The following CDC6 variants were observed in gnomAD, a reference collection of about 807,000 sequenced individuals.
CDC6 encodes the protein cell division cycle 6.
CDC6 carries 46 observed loss-of-function variants against 60.2 expected under a neutral mutation model. The observed-to-expected ratio is 0.76, with a 90% confidence interval of 0.60 to 0.98. The LOEUF (loss-of-function observed/expected upper bound fraction) is 0.98. CDC6 is among the 50% of genes least tolerant of loss of function. The probability of loss-of-function intolerance (pLI) is 0.00; values close to 1 mark genes in which losing one functional copy is unlikely to be tolerated. For synonymous variants in CDC6, 210 were observed against 233.2 expected (o/e 0.90, Z 0.90); for missense variants, 596 against 652.9 (o/e 0.91, Z 0.95).
In CDC6 at chr17:40,300,844, G is replaced by A. The variant is rs758705404; in HGVS notation, c.1266G>A (p.Glu422=). 1 of 1,613,710 alleles carries A rather than the reference G, an allele frequency of 6.2e-7. No homozygotes were observed. Among genetic ancestry groups the A allele is most frequent in the South Asian group, 1.1e-5 (1 of 91,076 alleles). The change falls in exon 10 of 12, where the codon GAG becomes GAA. Residue 422 remains glutamate, a synonymous_variant. Coordinates refer to ENST00000209728, the MANE Select transcript of CDC6 (RefSeq NM_001254.4). ...KPLSECKSPS[E]PLIPKRVGLI... is the part of the protein sequence containing the mutation. The stretch of plus-strand genomic sequence containing the variant: ...ACTTTATAGGTAAATCACCTTCTGA[G>A]CCTCTGATTCCCAAGAGGGTTGGTC...
intron 8 of CDC6, 81 bp from the exon 9 acceptor site, chr17:40,296,622 T>C: frequency 2.5e-6 from 2 of 803,356 alleles, no homozygotes; most frequent in South Asian, 1.4e-5. Flanking sequence ...CAATGGTCAT[T>C]AATGTGCCGC....
At chr17:40,289,308 G>A in intron 1 of CDC6, 100 bp from the exon 2 acceptor site, 1 of 949,748 alleles carries the variant, frequency 1.1e-6, no homozygotes, top group Non-Finnish European at 1.7e-6. Flanking sequence ...ACATAATTAG[G>A]AAATAAGTGT....
Position 40,301,522 on chromosome 17 carries a change from C to T in CDC6, c.1507C>T (p.Gln503Ter). 1 of 1,613,592 alleles carries T rather than the reference C, an allele frequency of 6.2e-7. No homozygotes were observed. The highest frequency in any genetic ancestry group is 8.5e-7 in the Non-Finnish European group (1 of 1,179,518). ...CRKQQVAAVDQSECLSLSGLL... is the reference protein window; with the variant it reads ...CRKQQVAAVD ...CAAACAGCAGGTGGCGGCTGTGGACCAGTCAGAGTGTTTGTCACTTTCAGG... is the reference window on the plus strand; with the variant it reads ...CAAACAGCAGGTGGCGGCTGTGGACTAGTCAGAGTGTTTGTCACTTTCAGG... The change falls in exon 11 of 12, where the codon CAG (glutamine) becomes TAG (stop). Residue 503 changes from glutamine to a stop codon, truncating the protein, a stop_gained. Coordinates refer to ENST00000209728, the MANE Select transcript of CDC6 (RefSeq NM_001254.4). LOFTEE classifies it high-confidence loss of function.
chr17:40,296,750 T>C lies in CDC6; in HGVS notation c.1232T>C (p.Leu411Pro). ...TCAGATGTCAAAAGCCAGACTATTC[T>C]CAAACCACTGTCTGAATGTAAGTAG... is the stretch of plus-strand genomic sequence containing the variant. Reference protein sequence around the residue: ...VESDVKSQTILKPLSECKSPS... With the variant: ...VESDVKSQTIPKPLSECKSPS... The change falls in exon 9 of 12, where the codon CTC becomes CCC. Residue 411 changes from leucine to proline, a missense_variant. Transcript: ENST00000209728. The C allele has an allele frequency of 6.2e-7, 1 of 1,602,168 alleles. No homozygotes were observed. The highest frequency in any genetic ancestry group is 8.6e-7 in the Non-Finnish European group (1 of 1,169,102).
chr17:40,289,772 G>A (rs1342121910), intron 2 of CDC6, among the ~76,000 whole-genome samples, 174 bp downstream of exon 2: 1 of 144,440 alleles, frequency 6.9e-6, no homozygotes, highest in Non-Finnish European at 1.5e-5. Flanking sequence ...GCAATAGTGC[G>A]ATCTTGGCTC....
intron 1 of CDC6, chr17:40,289,103 A>G (rs2032710431): frequency 3.0e-6 from 1 of 332,420 alleles, no homozygotes; most frequent in Non-Finnish European, 5.8e-6. Flanking sequence ...ACTTTGGGCC[A>G]CTGTTTATCT....
chr17:40,293,634 A>G lies in CDC6; in HGVS notation c.836+3A>G, dbSNP rs2032807985. Reference sequence around the variant, plus strand: ...ACTGCAGAGAAGGGCCCCATGATGTAAGTATTGTTCTGCTTCATGTTGCTC... The same window carrying G: ...ACTGCAGAGAAGGGCCCCATGATGTGAGTATTGTTCTGCTTCATGTTGCTC... On this transcript the variant is annotated splice_donor_region_variant and intron_variant, in intron 5 of 11. Coordinates refer to ENST00000209728, the MANE Select transcript of CDC6 (RefSeq NM_001254.4). 1 of 1,607,582 alleles carries G rather than the reference A, an allele frequency of 6.2e-7. No homozygotes were observed. Among genetic ancestry groups the G allele is most frequent in the African/African-American group, 1.3e-5 (1 of 74,820 alleles).
chr17:40,301,798 G>A (rs2032944248), intron 11 of CDC6, 114 bp from the exon 12 acceptor site: 1 of 941,386 alleles, frequency 1.1e-6, no homozygotes. Context: ...AAAAAAAAGT[G>A]TTTAACTTGC....
At chr17:40,290,110 C>T (rs1200533905) in intron 2 of CDC6, among the ~76,000 whole-genome samples, 1 of 152,120 alleles carries the variant, frequency 6.6e-6, no homozygotes, top group Non-Finnish European at 1.5e-5. Flanking sequence ...TGAGGTCACT[C>T]TGAACTACTT....
rs772349840 is a variant in CDC6, at chr17:40,301,945, C to T, written c.1627C>T (p.His543Tyr). ...CAAGATTGAAGAGAAAGAAATAGAA[C>T]ATGCTCTGAAAGATAAAGCTTTAAT... is the stretch of plus-strand genomic sequence containing the variant. ...FFKIEEKEIE[H>Y]ALKDKALIGN... Residue 543 changes from histidine to tyrosine, a missense_variant, in exon 12 of 12, where the codon CAT (histidine) becomes TAT (tyrosine). Physicochemically the swap from His to Tyr is moderately conservative, Grantham distance 83. Coordinates refer to ENST00000209728, the MANE Select transcript of CDC6 (RefSeq NM_001254.4). 1.3e-6 allele frequency: 2 copies of T among 1,599,790 alleles called. No homozygotes were observed. The highest frequency in any genetic ancestry group is 3.3e-5 in the Admixed American group (2 of 60,002).
At chr17:40,298,121 A>G (rs948818316) in intron 9 of CDC6, among the ~76,000 whole-genome samples, 5 of 152,208 alleles carry the variant, frequency 3.3e-5, no homozygotes. Context: ...ATTTGCTAAA[A>G]TAAAATAATT....
chr17:40,294,118 C>T (rs1189808701), intron 6 of CDC6, 62 bp downstream of exon 6: 5 of 1,291,572 alleles, frequency 3.9e-6, no homozygotes, highest in Non-Finnish European at 5.6e-6. Flanking sequence ...AATATATATT[C>T]AGCTTATTTA....
At chr17:40,293,701 T>TTA in intron 5 of CDC6, 70 bp downstream of exon 5, 1 of 1,240,148 alleles carries the variant, frequency 8.1e-7, no homozygotes, top group Non-Finnish European at 1.2e-6. Context: ...AAAGTACATT[T>TTA]TGTATATTTT....
Position 40,302,046 on chromosome 17 carries a change from G to T in CDC6, c.*45G>T, listed in dbSNP as rs1302990676. 9.2e-7 allele frequency: 1 copy of T among 1,085,266 alleles called. No individual in the cohort carries two copies. The highest frequency in any genetic ancestry group is 1.2e-5 in the South Asian group (1 of 80,404). 67.2% of individuals were successfully genotyped at this position (1,085,266 alleles called of 1,614,324 possible). ...CCCGAAAGTATTCAGCTGGCATTTA[G>T]AGAGCTACAGTCTTCATTTTAGTGC... On this transcript the variant is annotated 3_prime_UTR_variant, in exon 12 of 12. Coordinates refer to ENST00000209728, the MANE Select transcript of CDC6 (RefSeq NM_001254.4).
At position 40,289,433 on chromosome 17, in the gene CDC6, C is replaced by G; in HGVS notation, c.13C>G (p.Arg5Gly). 6.2e-7 allele frequency: 1 copy of G among 1,613,788 alleles called. No homozygotes were observed. Among genetic ancestry groups the G allele is most frequent in the Non-Finnish European group, 8.5e-7 (1 of 1,179,864 alleles). Residue 5 changes from arginine (R) to glycine (G), a missense_variant, in exon 2 of 12, where the codon CGA becomes GGA. Physicochemically the swap from Arg to Gly is moderately radical, Grantham distance 125. Coordinates refer to ENST00000209728, the MANE Select transcript of CDC6 (RefSeq NM_001254.4). MPQT[R>G]SQAQATISFP... is the part of the protein sequence containing the mutation. ...CTGTGCTGTCGTCATGCCTCAAACC[C>G]GATCCCAGGCACAGGCTACAATCAG...
chr17:40,295,586 A>T, intron 8 of CDC6, 130 bp downstream of exon 8: 1 of 692,362 alleles, frequency 1.4e-6, no homozygotes. Context: ...CTCAGAAAGG[A>T]GGACTTGTTT....
rs774239490 is a variant in CDC6 at position 40,300,915 on chromosome 17, T to G, written c.1337T>G (p.Met446Arg). 19 of 1,614,032 alleles carry G rather than the reference T, an allele frequency of 1.2e-5. 1 individual carries two copies. In the South Asian group the frequency reaches 2.1e-4, roughly 18 times the overall value. ...QVISEVDGNRMTLSQEGAQDS... is the reference protein window; with the variant it reads ...QVISEVDGNRRTLSQEGAQDS... Reference sequence around the variant, plus strand: ...ATCTCAGAAGTTGATGGTAACAGGATGACCTTGAGCCAAGAAGGAGCACAA... The same window carrying G: ...ATCTCAGAAGTTGATGGTAACAGGAGGACCTTGAGCCAAGAAGGAGCACAA... The change falls in exon 10 of 12, where the codon ATG (methionine) becomes AGG (arginine). Residue 446 changes from methionine to arginine, a missense_variant. By Grantham distance (91) the Met-to-Arg change is moderately conservative. Transcript: ENST00000209728.
rs143031736 is a variant in CDC6, at chr17:40,289,438, C to T, written c.18C>T (p.Ser6=). The T allele has an allele frequency of 1.2e-6, 2 of 1,613,678 alleles. No homozygotes were observed. The highest frequency in any genetic ancestry group is 1.7e-5 in the Admixed American group (1 of 59,966). ...CTGTCGTCATGCCTCAAACCCGATCCCAGGCACAGGCTACAATCAGTTTTC... is the reference window on the plus strand; with the variant it reads ...CTGTCGTCATGCCTCAAACCCGATCTCAGGCACAGGCTACAATCAGTTTTC... The part of the protein sequence containing the change: MPQTR[S]QAQATISFPK... Residue 6 remains serine, a synonymous_variant, in exon 2 of 12, where the codon TCC becomes TCT. Coordinates refer to ENST00000209728, the MANE Select transcript of CDC6 (RefSeq NM_001254.4).
intron 4 of CDC6, 100 bp downstream of exon 4, chr17:40,291,768 C>T (rs190050590): frequency 3.9e-4 from 492 of 1,266,340 alleles, no homozygotes; most frequent in Non-Finnish European, 5.1e-4. Flanking sequence ...TTTTTTGAGA[C>T]GGAGTCTCGC....
Sources: allele counts gnomAD v4.1 joint callset (sites outside exome capture counted in the v4.1 genomes callset), GRCh38; gene constraint gnomAD v4.1.1; transcripts MANE v1.5; gene names NCBI Gene and HGNC (gene_info 2026-07-23, HGNC 2026-07-21).